PEBP4: variants seen among roughly 807,000 people sequenced by gnomAD.
The protein encoded by PEBP4 is phosphatidylethanolamine-binding protein 4.
Under a neutral mutation model 23.9 loss-of-function variants are expected in PEBP4, and 22 were observed. That is an observed-to-expected ratio of 0.92 (90% CI 0.66 to 1.31). PEBP4 has a LOEUF of 1.31. Ranked by LOEUF, PEBP4 falls within the 40% of genes most tolerant of loss-of-function variation. The probability of loss-of-function intolerance (pLI) is 0.00; values close to 1 mark genes in which losing one functional copy is unlikely to be tolerated. For synonymous variants in PEBP4, 112 were observed against 99.3 expected (o/e 1.13, Z -0.76); for missense variants, 324 against 281.7 (o/e 1.15, Z -1.07).
At chr8:22,911,248 T>C (rs889609797) in intron 3 of PEBP4, among the ~76,000 whole-genome samples, 1 of 152,034 alleles carries the variant, frequency 6.6e-6, no homozygotes, top group African/African-American at 2.4e-5. Flanking sequence ...ACTCTGCGAG[T>C]ACAAGACCAA....
intron 3 of PEBP4, among the ~76,000 whole-genome samples, chr8:22,881,255 C>T (rs1382590309): frequency 2.6e-5 from 4 of 152,182 alleles, no homozygotes; most frequent in East Asian, 1.9e-4. Flanking sequence ...AGCCTAAGGG[C>T]GGTAGTTGCT....
At chr8:22,726,911 T>C (rs955825445) in intron 5 of PEBP4, among the ~76,000 whole-genome samples, 1 of 152,182 alleles carries the variant, frequency 6.6e-6, no homozygotes, top group Non-Finnish European at 1.5e-5. Flanking sequence ...TCCAGTCAGA[T>C]GGCCCCCTGC....
chr8:22,910,918 G>A (rs1466244689), intron 3 of PEBP4, among the ~76,000 whole-genome samples: 1 of 150,388 alleles, frequency 6.6e-6, no homozygotes, highest in East Asian at 2.0e-4. Flanking sequence ...GACACCAAGA[G>A]TGAGCCCTAA....
In PEBP4 at chr8:22,918,986, G is replaced by C. The variant is rs181271851; in HGVS notation, c.258+1198C>G. On this transcript the variant is annotated intron_variant, in intron 3 of 6. Transcript: ENST00000256404. ...TATTGCTCGTCTTCCCAAAGGAAAG[G>C]GTGTTTGTCGTGTTTGCAAACAAGA... Among the ~76,000 whole-genome samples the C allele has an allele frequency of 2.0e-3, 304 of 152,166 alleles. 2 individuals carry two copies. The highest frequency in any genetic ancestry group is 6.7e-3 in the African/African-American group (278 of 41,500).
intron 3 of PEBP4, among the ~76,000 whole-genome samples, chr8:22,863,642 C>G (rs566162928): frequency 6.6e-6 from 1 of 152,156 alleles, no homozygotes; most frequent in Non-Finnish European, 1.5e-5. Context: ...ATCTGTTCAA[C>G]GCACATTCAT....
At chr8:22,722,380 G>T (rs564741380) in intron 6 of PEBP4, among the ~76,000 whole-genome samples, 2 of 152,268 alleles carry the variant, frequency 1.3e-5, no homozygotes, top group Non-Finnish European at 2.9e-5. Flanking sequence ...GAGGTTCATT[G>T]ATTGGCCTCA....
intron 3 of PEBP4, among the ~76,000 whole-genome samples, chr8:22,846,617 C>T (rs1585304205): frequency 6.6e-6 from 1 of 152,254 alleles, no homozygotes; most frequent in East Asian, 1.9e-4. Flanking sequence ...GTTTGCACCC[C>T]AAGCCAAGTA....
In PEBP4 at chr8:22,715,206, G is replaced by T. The variant is rs1052855982; in HGVS notation, c.518-1670C>A. Among the ~76,000 whole-genome samples, 7 of 152,324 alleles carry T rather than the reference G, an allele frequency of 4.6e-5. No individual in the cohort carries two copies. In the South Asian group the frequency reaches 8.3e-4, roughly 18 times the overall value. ...GTTCCAGGAGTTCTTTTGCAGAAAG[G>T]GTGGCCAAGGTGCTGAGAAAGCCTC... is the stretch of plus-strand genomic sequence containing the variant. On this transcript the variant is annotated intron_variant, in intron 6 of 6. Transcript: ENST00000256404.
At chr8:22,819,157 G>C (rs1806806923) in intron 3 of PEBP4, among the ~76,000 whole-genome samples, 1 of 151,976 alleles carries the variant, frequency 6.6e-6, no homozygotes, top group Non-Finnish European at 1.5e-5. Context: ...GAAGAAAAGA[G>C]GTCTCATGGC....
intron 3 of PEBP4, among the ~76,000 whole-genome samples, chr8:22,857,767 CTCTA>C (rs1482008820): frequency 1.3e-5 from 2 of 152,190 alleles, no homozygotes; most frequent in Admixed American, 1.3e-4. Context: ...AAGCTTTTCT[CTCTA>C]TCTATCTGAC....
chr8:22,933,935 G>C lies in PEBP4; in HGVS notation c.145-6215C>G, dbSNP rs376763188. Among the ~76,000 whole-genome samples, 10 of 152,302 alleles carry C rather than the reference G, an allele frequency of 6.6e-5. 1 individual carries two copies. The highest frequency in any genetic ancestry group is 2.4e-4 in the African/African-American group (10 of 41,552). On this transcript the variant is annotated intron_variant, in intron 1 of 1. Transcript: ENST00000522278. ...CCGGAAGACTGGGCATCTGGTAAAAGCCTCAGCCTTTTCCCACTCATTTTA... is the reference window on the plus strand; with the variant it reads ...CCGGAAGACTGGGCATCTGGTAAAACCCTCAGCCTTTTCCCACTCATTTTA...
At chr8:22,851,726 GT>G (rs1241524610) in intron 3 of PEBP4, among the ~76,000 whole-genome samples, 1 of 152,100 alleles carries the variant, frequency 6.6e-6, no homozygotes, top group Non-Finnish European at 1.5e-5. Flanking sequence ...GCATTAAATA[GT>G]TCCCCAGAAA....
chr8:22,873,451 C>G (rs905054491), intron 3 of PEBP4, among the ~76,000 whole-genome samples: 2 of 150,586 alleles, frequency 1.3e-5, no homozygotes, highest in African/African-American at 4.9e-5. Context: ...TACTGAGATA[C>G]TATCTGTGTG....
At chr8:22,924,261 C>T (rs1004798399) in intron 2 of PEBP4, among the ~76,000 whole-genome samples, 5 of 151,954 alleles carry the variant, frequency 3.3e-5, no homozygotes, top group Admixed American at 6.6e-5. Context: ...CTACTCAGGA[C>T]GTTGAGGCAG....
At position 22,817,782 on chromosome 8, in the gene PEBP4, G is replaced by C. The variant is rs189335751; in HGVS notation, c.259-47C>G. 1.6e-4 allele frequency: 253 copies of C among 1,554,780 alleles called. 4 individuals are homozygous for C. The East Asian group carries it at 5.1e-3, about 32-fold the overall frequency. On this transcript the variant is annotated intron_variant, in intron 3 of 6. Coordinates refer to ENST00000256404, the MANE Select transcript of PEBP4 (RefSeq NM_144962.3). The stretch of plus-strand genomic sequence containing the variant: ...GTAATGTAGCGTCATGGCTGAAATA[G>C]GAAAATACCACGGGGCAGACCTCCT...
chr8:22,719,162 G>A (rs1804471984), intron 6 of PEBP4, among the ~76,000 whole-genome samples: 1 of 152,208 alleles, frequency 6.6e-6, no homozygotes, highest in Non-Finnish European at 1.5e-5. Flanking sequence ...TGGCTGCCTG[G>A]CCCAGGACTC....
At chr8:22,776,170 A>AGG (rs201142351) in intron 4 of PEBP4, among the ~76,000 whole-genome samples, 2 of 152,194 alleles carry the variant, frequency 1.3e-5, no homozygotes, top group Admixed American at 6.5e-5. Flanking sequence ...CAGAATCCTG[A>AGG]AATGCTGACG....
At chr8:22,925,032 C>T (rs1168806130) in intron 2 of PEBP4, 1 of 985,238 alleles carries the variant, frequency 1.0e-6, no homozygotes, top group Non-Finnish European at 1.2e-6. Flanking sequence ...AGGTCAGAGC[C>T]TGAGCCGAGT....
In PEBP4 at chr8:22,809,215, G is replaced by A. The variant is rs182509620; in HGVS notation, c.357+8422C>T. Among the ~76,000 whole-genome samples, 16 of 152,296 alleles carry A rather than the reference G, an allele frequency of 1.1e-4. No homozygotes were observed. The East Asian group carries it at 1.3e-3, about 13-fold the overall frequency. On this transcript the variant is annotated intron_variant, in intron 4 of 6. Transcript: ENST00000256404. ...CTCGTTAAATCCTCAACATTCCTGC[G>A]AGGTCGACTTTAGTTTCCTCTTATA...
Sources: gnomAD v4.1 joint callset for allele counts (sites outside exome capture counted in the v4.1 genomes callset) on GRCh38, gnomAD v4.1.1 for gene constraint, MANE v1.5 for transcripts, NCBI Gene and HGNC (gene_info 2026-07-23, HGNC 2026-07-21) for gene names.